Variants in ARRDC3 observed in about 807,000 individuals in gnomAD.
ARRDC3 encodes the protein arrestin domain containing 3.
Under a neutral mutation model 47.2 loss-of-function variants are expected in ARRDC3, and 10 were observed. That is an observed-to-expected ratio of 0.21 (90% CI 0.13 to 0.36). The LOEUF (loss-of-function observed/expected upper bound fraction) is 0.36, where lower values mean the gene tolerates loss of function less well. Among genes scored for constraint, ARRDC3 ranks in the 10% least tolerant of loss-of-function variants. ARRDC3 has a pLI of 1.00. For missense variants in ARRDC3, 381 were observed against 503.6 expected (o/e 0.76, Z 2.33); for synonymous variants, 156 against 178.3 (o/e 0.87, Z 1.00).
rs144852016 is a variant in ARRDC3 at position 91,382,223 on chromosome 5, G to A, written c.280+590C>T. On this transcript the variant is annotated intron_variant, in intron 1 of 7. Coordinates refer to ENST00000265138, the MANE Select transcript of ARRDC3 (RefSeq NM_020801.4). ...ATTCCTTTAAAATAAGGAATGCTGG[G>A]TGTAAATTTTTAAAGGAATGGTAAA... Among the ~76,000 whole-genome samples, 631 of 152,258 alleles carry A rather than the reference G, an allele frequency of 4.1e-3. 3 individuals are homozygous for A. Among genetic ancestry groups the A allele is most frequent in the Non-Finnish European group, 6.9e-3 (468 of 68,016 alleles).
rs1357593399 is a variant in ARRDC3, at chr5:91,373,762, G to C, written c.1110C>G (p.Asp370Glu). ...GTGGTCCTTGAAGGGCTCTCTCAAAGTCATCACAAGCACTCACTGGTGCAA... is the reference window on the plus strand; with the variant it reads ...GTGGTCCTTGAAGGGCTCTCTCAAACTCATCACAAGCACTCACTGGTGCAA... ...NNLAPVSACD[D>E]FERALQGPLF... Residue 370 changes from aspartate (D) to glutamate (E), a missense_variant, in exon 7 of 8, where the codon GAC (aspartate) becomes GAG (glutamate). Coordinates refer to ENST00000265138, the MANE Select transcript of ARRDC3 (RefSeq NM_020801.4). The C allele has an allele frequency of 6.2e-7, 1 of 1,613,938 alleles. No homozygotes were observed. The highest frequency in any genetic ancestry group is 8.5e-7 in the Non-Finnish European group (1 of 1,179,974).
Position 91,373,673 on chromosome 5 carries a change from T to A in ARRDC3, c.1188+11A>T, listed in dbSNP as rs759749895. 1 of 1,602,454 alleles carries A rather than the reference T, an allele frequency of 6.2e-7. No homozygotes were observed. The highest frequency in any genetic ancestry group is 1.3e-5 in the African/African-American group (1 of 74,676). ...GCCAGTTCATTTCATACTTAAGGAG[T>A]AGGTACTTACCTCTGAATAAAGAGG... On this transcript the variant is annotated intron_variant, in intron 7 of 7. Transcript: ENST00000265138.
At chr5:91,380,052 C>T (rs943611230) in intron 1 of ARRDC3, 2 of 152,228 alleles carry the variant, frequency 1.3e-5, no homozygotes, top group African/African-American at 4.8e-5. Context: ...TCCCTTTCTT[C>T]CCTCTTCGCT....
chr5:91,376,609 G>C lies in ARRDC3; in HGVS notation c.510+12C>G. On this transcript the variant is annotated intron_variant, in intron 3 of 7. Transcript: ENST00000265138. ...CCAAAAACAAAGAATAAATAATTCAGTCAATTCTTACCAGTAATGAAGGAG... is the reference window on the plus strand; with the variant it reads ...CCAAAAACAAAGAATAAATAATTCACTCAATTCTTACCAGTAATGAAGGAG... The C allele has an allele frequency of 6.3e-7, 1 of 1,591,358 alleles. No homozygotes were observed. The highest frequency in any genetic ancestry group is 8.6e-7 in the Non-Finnish European group (1 of 1,164,692).
Position 91,376,645 on chromosome 5 carries a change from T to C in ARRDC3, c.486A>G (p.Ile162Met). ...CCAGTAATGAAGGAGTGTTGATATC[T>C]ATATGCTCAAAGACTGTAAATTCCT... ...LKKEFTVFEHIDINTPSLLSP... is the reference protein window; with the variant it reads ...LKKEFTVFEHMDINTPSLLSP... The change falls in exon 3 of 8, where the codon ATA becomes ATG. Residue 162 changes from isoleucine to methionine, a missense_variant. Physicochemically the swap from Ile to Met is conservative, Grantham distance 10. Coordinates refer to ENST00000265138, the MANE Select transcript of ARRDC3 (RefSeq NM_020801.4). The C allele has an allele frequency of 6.2e-7, 1 of 1,612,008 alleles. No homozygotes were observed. The highest frequency in any genetic ancestry group is 8.5e-7 in the Non-Finnish European group (1 of 1,178,258).
intron 1 of ARRDC3, among the ~76,000 whole-genome samples, chr5:91,379,680 C>T (rs1204911513): frequency 1.3e-5 from 2 of 151,438 alleles, no homozygotes; most frequent in Non-Finnish European, 2.9e-5. Flanking sequence ...ATTAAAGTGC[C>T]TATTTAGCGT....
At chr5:91,377,815 A>C (rs1185093300) in intron 2 of ARRDC3, among the ~76,000 whole-genome samples, 1 of 152,064 alleles carries the variant, frequency 6.6e-6, no homozygotes, top group Non-Finnish European at 1.5e-5. Flanking sequence ...AAATTCTCAA[A>C]TAATACAGTA....
intron 1 of ARRDC3, among the ~76,000 whole-genome samples, chr5:91,379,246 A>C (rs1045927863): frequency 6.6e-6 from 1 of 151,310 alleles, no homozygotes; most frequent in Non-Finnish European, 1.5e-5. Context: ...ATGTGAATAG[A>C]ATAGATACTC....
In ARRDC3 at chr5:91,374,291, G is replaced by A. The variant is rs191101238; in HGVS notation, c.871-15C>T. On this transcript the variant is annotated splice_polypyrimidine_tract_variant and intron_variant, in intron 5 of 7. Transcript: ENST00000265138. ...TCCACATATACCTAAACATTGCAAAGAAATATTAAGTTTAGAATGCCAAGT... is the reference window on the plus strand; with the variant it reads ...TCCACATATACCTAAACATTGCAAAAAAATATTAAGTTTAGAATGCCAAGT... 1.3e-6 allele frequency: 2 copies of A among 1,595,144 alleles called. No homozygotes were observed. The highest frequency in any genetic ancestry group is 1.3e-5 in the African/African-American group (1 of 74,142).
rs116170695 is a variant in ARRDC3 at position 91,374,306 on chromosome 5, G to T, written c.871-30C>A. 4,687 of 1,577,856 alleles carry T rather than the reference G, an allele frequency of 3.0e-3. 123 individuals carry two copies. The African/African-American group carries it at 0.055, about 18-fold the overall frequency. ...ACATTGCAAAGAAATATTAAGTTTA[G>T]AATGCCAAGTATGATTTCCTTTTCA... On this transcript the variant is annotated intron_variant, in intron 5 of 7. Coordinates refer to ENST00000265138, the MANE Select transcript of ARRDC3 (RefSeq NM_020801.4).
chr5:91,376,804 T>C (rs1387419353), intron 2 of ARRDC3, 36 bp from the exon 3 acceptor site: 2 of 1,561,124 alleles, frequency 1.3e-6, no homozygotes, highest in Admixed American at 1.9e-5. Context: ...ATTAATTTTA[T>C]ACCTCTTTCT....
chr5:91,382,300 C>A (rs1192538423), intron 1 of ARRDC3, among the ~76,000 whole-genome samples: 1 of 152,256 alleles, frequency 6.6e-6, no homozygotes, highest in South Asian at 2.1e-4. Context: ...AAATAAGCCA[C>A]AGAAATCTTT....
intron 5 of ARRDC3, among the ~76,000 whole-genome samples, chr5:91,374,652 G>A (rs1799257047): frequency 6.6e-6 from 1 of 151,998 alleles, no homozygotes; most frequent in African/African-American, 2.4e-5. Flanking sequence ...GGGAGGCCAT[G>A]GTGGATGGAT....
intron 1 of ARRDC3, chr5:91,380,867 G>A (rs916704567): frequency 6.6e-6 from 1 of 152,312 alleles, no homozygotes; most frequent in Non-Finnish European, 1.5e-5. Flanking sequence ...CCCAAAAGAG[G>A]GGCGACAGAA....
Position 91,374,965 on chromosome 5 carries a change from G to C in ARRDC3, c.827C>G (p.Ser276Cys), listed in dbSNP as rs781435395. The stretch of plus-strand genomic sequence containing the variant: ...GCGGATTATACTACAGTCGAGGATA[G>C]AGGGAGAAACTGGTGGAATTTTCAG... ...KLLKIPPVSPSILDCSIIRVE... is the reference protein window; with the variant it reads ...KLLKIPPVSPCILDCSIIRVE... The change falls in exon 5 of 8, where the codon TCT (serine) becomes TGT (cysteine). Residue 276 changes from serine to cysteine, a missense_variant. Coordinates refer to ENST00000265138, the MANE Select transcript of ARRDC3 (RefSeq NM_020801.4). 3.7e-6 allele frequency: 6 copies of C among 1,614,204 alleles called. No individual in the cohort carries two copies. The highest frequency in any genetic ancestry group is 5.1e-6 in the Non-Finnish European group (6 of 1,180,012).
In ARRDC3 at chr5:91,374,291, GA is replaced by G; in HGVS notation, c.871-16del. ...TCCACATATACCTAAACATTGCAAA[GA>G]AATATTAAGTTTAGAATGCCAAGTA... On this transcript the variant is annotated splice_polypyrimidine_tract_variant and intron_variant, in intron 5 of 7. Transcript: ENST00000265138. The G allele has an allele frequency of 6.3e-7, 1 of 1,595,262 alleles. No individual in the cohort carries two copies. The highest frequency in any genetic ancestry group is 1.3e-5 in the African/African-American group (1 of 74,264).
Position 91,383,033 on chromosome 5 carries a change from A to G in ARRDC3, c.60T>C (p.Asn20=). 1 of 1,614,010 alleles carries G rather than the reference A, an allele frequency of 6.2e-7. No individual in the cohort carries two copies. Among genetic ancestry groups the G allele is most frequent in the Non-Finnish European group, 8.5e-7 (1 of 1,179,924 alleles). ...TATCCCCACTAGAATACACAGGGAC[A>G]TTGCTGTCATTAAGACAGTCAAAGC... is the stretch of plus-strand genomic sequence containing the variant. The part of the protein sequence containing the change: ...TISFDCLNDS[N]VPVYSSGDTV... Residue 20 remains asparagine (N), a synonymous_variant, in exon 1 of 8, where the codon AAT becomes AAC. Coordinates refer to ENST00000265138, the MANE Select transcript of ARRDC3 (RefSeq NM_020801.4).
chr5:91,379,902 GATTCGCTTATGTCTCCATAC>G (rs2127075657), intron 1 of ARRDC3: 1 of 152,256 alleles, frequency 6.6e-6, no homozygotes, highest in South Asian at 2.1e-4. Flanking sequence ...AAATCATGGT[GATTCGCTTATGTCTCCATAC>G]AATTTTCCTC....
At chr5:91,374,535 A>C (rs1330378682) in intron 5 of ARRDC3, among the ~76,000 whole-genome samples, 6 of 152,176 alleles carry the variant, frequency 3.9e-5, no homozygotes, top group Non-Finnish European at 8.8e-5. Flanking sequence ...TCCTGGATGT[A>C]AGACAAAACT....
Sources: allele counts gnomAD v4.1 joint callset (sites outside exome capture counted in the v4.1 genomes callset), GRCh38; gene constraint gnomAD v4.1.1; transcripts MANE v1.5; gene names NCBI Gene and HGNC (gene_info 2026-07-23, HGNC 2026-07-21).